PKD1: variants seen among roughly 807,000 people sequenced by gnomAD.
PKD1 encodes polycystin-1.
A neutral mutation model predicts 361.7 loss-of-function variants in PKD1; 81 were observed. The ratio of observed to expected loss-of-function variants is 0.22; its 90% CI spans 0.19 to 0.27. The LOEUF is 0.27. PKD1 is among the 10% of genes least tolerant of loss of function. PKD1 has a pLI of 1.00. For missense variants in PKD1, 6,399 were observed against 6,118.3 expected (o/e 1.05, Z -1.53); for synonymous variants, 3,615 against 2,818.3 (o/e 1.28, Z -8.95).
At position 2,110,364 on chromosome 16, in the gene PKD1, G is replaced by A. The variant is rs772124128; in HGVS notation, c.4803C>T (p.Phe1601=). 7 of 1,612,626 alleles carry A rather than the reference G, an allele frequency of 4.3e-6. No homozygotes were observed. The highest frequency in any genetic ancestry group is 4.5e-5 in the East Asian group (2 of 44,876). The change falls in exon 15 of 46, where the codon TTC becomes TTT. Residue 1601 remains phenylalanine (F), a synonymous_variant. Transcript: ENST00000262304. ...IPGGPTISYT[F]RSVGTFNIIV... ...TGATATTGAAGGTGCCCACGGAGCG[G>A]AAGGTGTAAGAGATGGTAGGACCCC...
At position 2,099,950 on chromosome 16, in the gene PKD1, G is replaced by A. The variant is rs1456030243; in HGVS notation, c.9834C>T (p.Ile3278=). 6.4e-7 allele frequency: 1 copy of A among 1,563,062 alleles called. No homozygotes were observed. The highest frequency in any genetic ancestry group is 8.7e-7 in the Non-Finnish European group (1 of 1,155,114). The change falls in exon 29 of 46, where the codon ATC becomes ATT. Residue 3278 remains isoleucine, a synonymous_variant. Transcript: ENST00000262304. ...DRPPRSRFTR[I]QRATCCVLLI... ...GGAGAACGCAGCAGGTGGCCCTCTGGATGCGAGTGAAACGGCTACGAGGCG... is the reference window on the plus strand; with the variant it reads ...GGAGAACGCAGCAGGTGGCCCTCTGAATGCGAGTGAAACGGCTACGAGGCG...
chr16:2,097,079 A>T, intron 34 of PKD1, 69 bp downstream of exon 34: 1 of 622,248 alleles, frequency 1.6e-6, no homozygotes, highest in Non-Finnish European at 2.6e-6. Context: ...GGCGGGAACC[A>T]CGGCTGCCTG....
chr16:2,103,282 G>A lies in PKD1; in HGVS notation c.8775C>T (p.Asn2925=). 1.2e-6 allele frequency: 2 copies of A among 1,609,716 alleles called. No homozygotes were observed. Among genetic ancestry groups the A allele is most frequent in the African/African-American group, 1.3e-5 (1 of 74,970 alleles). Residue 2925 remains asparagine, a synonymous_variant, in exon 23 of 46, where the codon AAC becomes AAT. Transcript: ENST00000262304. Reference sequence around the variant, plus strand: ...TGCACGCACCGTCCAGCAGCGTATAGTTGAGCTGCAGATGCAGCCCGGCCG... The same window carrying A: ...TGCACGCACCGTCCAGCAGCGTATAATTGAGCTGCAGATGCAGCCCGGCCG... ...NPAAGLHLQL[N]YTLLDGHYLS...
At chr16:2,101,087 G>A (rs985640510) in intron 26 of PKD1, among the ~76,000 whole-genome samples, 42 of 151,878 alleles carry the variant, frequency 2.8e-4, no homozygotes, top group African/African-American at 1.0e-3. Context: ...CCGGGTTCAC[G>A]CCATTCTCCT....
chr16:2,132,574 CAAAAA>C (rs57615937), intron 1 of PKD1, among the ~76,000 whole-genome samples: 1 of 43,252 alleles, frequency 2.3e-5, no homozygotes, highest in Non-Finnish European at 5.0e-5. Context: ...GACTCCGTCT[CAAAAA>C]AAAAAAAAAA....
At chr16:2,112,576 C>G in intron 13 of PKD1, 103 bp from the exon 14 acceptor site, 3 of 1,103,564 alleles carry the variant, frequency 2.7e-6, no homozygotes, top group Non-Finnish European at 3.9e-6. Flanking sequence ...TGCAGTCACG[C>G]CCCGGGCCTC....
Position 2,114,843 on chromosome 16 carries a change from A to C in PKD1, c.2180T>G (p.Leu727Arg), listed in dbSNP as rs1616940. 1 of 1,452,720 alleles carries C rather than the reference A, an allele frequency of 6.9e-7. No individual in the cohort carries two copies. The highest frequency in any genetic ancestry group is 1.2e-5 in the South Asian group (1 of 82,234). 90.0% of individuals were successfully genotyped at this position (1,452,720 alleles called of 1,614,324 possible). A position where few individuals can be genotyped will look rare whatever the true frequency, so the allele number is the denominator to read the frequency against. ...GTGGCCGGGAGCCGGCGAGCAGTGC[A>C]GGAGGGCGCCAGGGCCAGCGTCGTG... ...LQHDAGPGAL[L>R]HCSPAPGHPG... The change falls in exon 11 of 46, where the codon CTG becomes CGG. Residue 727 changes from leucine (L) to arginine (R), a missense_variant. Leu to Arg is a moderately radical substitution (Grantham distance 102). Transcript: ENST00000262304.
rs544963931 is a variant in PKD1 at position 2,132,961 on chromosome 16, A to T, written c.215+2514T>A. Among the ~76,000 whole-genome samples the T allele has an allele frequency of 3.3e-5, 5 of 151,202 alleles. No homozygotes were observed. The South Asian group carries it at 1.0e-3, about 32-fold the overall frequency. ...CCAGGCATGGTGGTGCACGCCTGTA[A>T]TCCCAGCTACTCGGGAGGCTGAGGC... On this transcript the variant is annotated intron_variant, in intron 1 of 45. Transcript: ENST00000262304.
intron 41 of PKD1, 47 bp downstream of exon 41, chr16:2,091,734 C>G (rs773379794): frequency 1.9e-6 from 3 of 1,601,856 alleles, no homozygotes; most frequent in African/African-American, 2.7e-5. Context: ...GGGCTCCTGG[C>G]TGGTGACTGC....
At chr16:2,115,755 C>A in intron 9 of PKD1, 130 bp from the exon 10 acceptor site, 2 of 1,034,624 alleles carry the variant, frequency 1.9e-6, no homozygotes, top group Non-Finnish European at 2.8e-6. Context: ...GCACTCCCAG[C>A]CCAGTGCTGC....
chr16:2,104,330 AG>A lies in PKD1; in HGVS notation c.8161+167del, dbSNP rs1191950970. Among the ~76,000 whole-genome samples, 251 of 63,636 alleles carry A rather than the reference AG, an allele frequency of 3.9e-3. 6 individuals are homozygous for A. The highest frequency in any genetic ancestry group is 0.015 in the African/African-American group (223 of 14,534). The allele number at this position is 63,636 out of a possible 152,430, so 41.7% of individuals were successfully genotyped here. On this transcript the variant is annotated intron_variant, in intron 22 of 45. Transcript: ENST00000262304. ...AAAGGGATGGTAATAGGGAAGGGGG[AG>A]GGGGAGGAGAATGGGAATTGGGGGA...
In PKD1 at chr16:2,099,852, G is replaced by T. The variant is rs560457620; in HGVS notation, c.9923+9C>A. The T allele has an allele frequency of 6.4e-7, 1 of 1,563,798 alleles. No homozygotes were observed. The highest frequency in any genetic ancestry group is 1.2e-5 in the South Asian group (1 of 85,658). ...AGGAAGAGGCTGCCCCGACCCCTAC[G>T]GCACCCACCTGTAGGCAGAGTCGCC... is the stretch of plus-strand genomic sequence containing the variant. On this transcript the variant is annotated intron_variant, in intron 29 of 45. Transcript: ENST00000262304.
At chr16:2,094,345 C>T in intron 34 of PKD1, 135 bp from the exon 35 acceptor site, 1 of 693,758 alleles carries the variant, frequency 1.4e-6, no homozygotes, top group East Asian at 2.7e-5. Context: ...CCGGAAGACC[C>T]TACCCCAAAC....
intron 14 of PKD1, among the ~76,000 whole-genome samples, chr16:2,112,095 G>T (rs1047363717): frequency 3.9e-5 from 6 of 152,238 alleles, no homozygotes; most frequent in African/African-American, 1.2e-4. Flanking sequence ...CTGCACTCGG[G>T]GCAGCAGAGC....
Position 2,109,069 on chromosome 16 carries a change from G to A in PKD1, c.6098C>T (p.Ala2033Val), listed in dbSNP as rs557932393. The A allele has an allele frequency of 1.8e-5, 29 of 1,605,452 alleles. No homozygotes were observed. Among genetic ancestry groups the A allele is most frequent in the Middle Eastern group, 3.6e-4 (2 of 5,580 alleles). ...GRDVTYTPVAAGLLEIQVRAF... is the reference protein window; with the variant it reads ...GRDVTYTPVAVGLLEIQVRAF... ...GCGCACCTGGATCTCCAACAGCCCC[G>A]CGGCCACGGGCGTGTAGGTGACGTC... The change falls in exon 15 of 46, where the codon GCG (alanine) becomes GTG (valine). Residue 2033 changes from alanine to valine, a missense_variant. Ala to Val is a moderately conservative substitution (Grantham distance 64). Coordinates refer to ENST00000262304, the MANE Select transcript of PKD1 (RefSeq NM_001009944.3).
At position 2,109,566 on chromosome 16, in the gene PKD1, A is replaced by G; in HGVS notation, c.5601T>C (p.Asn1867=). The G allele has an allele frequency of 6.2e-7, 1 of 1,611,740 alleles. No homozygotes were observed. The highest frequency in any genetic ancestry group is 8.5e-7 in the Non-Finnish European group (1 of 1,179,576). ...PDAGTFSIRL[N]ASNAVSWVSA... ...AGACCCAGCTGACTGCGTTGGAGGCATTGAGCCGGATGGAGAAGGTGCCAG... is the reference window on the plus strand; with the variant it reads ...AGACCCAGCTGACTGCGTTGGAGGCGTTGAGCCGGATGGAGAAGGTGCCAG... Residue 1867 remains asparagine (N), a synonymous_variant, in exon 15 of 46, where the codon AAT becomes AAC. Transcript: ENST00000262304.
Position 2,109,213 on chromosome 16 carries a change from G to A in PKD1, c.5954C>T (p.Ala1985Val). Reference sequence around the variant, plus strand: ...TGTGAAGTTCCTCTCAGTGCCCGTGGCGATGCCAGGCTCGCAGCAGTTGGG... The same window carrying A: ...TGTGAAGTTCCTCTCAGTGCCCGTGACGATGCCAGGCTCGCAGCAGTTGGG... ...QVPNCCEPGI[A>V]TGTERNFTAR... The change falls in exon 15 of 46, where the codon GCC (alanine) becomes GTC (valine). Residue 1985 changes from alanine (A) to valine (V), a missense_variant. Coordinates refer to ENST00000262304, the MANE Select transcript of PKD1 (RefSeq NM_001009944.3). 6.3e-7 allele frequency: 1 copy of A among 1,594,242 alleles called. No homozygotes were observed. Among genetic ancestry groups the A allele is most frequent in the Non-Finnish European group, 8.6e-7 (1 of 1,169,290 alleles).
At chr16:2,131,681 G>A (rs2092882090) in intron 1 of PKD1, among the ~76,000 whole-genome samples, 1 of 151,290 alleles carries the variant, frequency 6.6e-6, no homozygotes, top group Non-Finnish European at 1.5e-5. Flanking sequence ...AAATTAGCCG[G>A]GCGTGGTGGC....
At chr16:2,121,819 C>T (rs757337529) in intron 1 of PKD1, among the ~76,000 whole-genome samples, 60 of 152,334 alleles carry the variant, frequency 3.9e-4, no homozygotes, top group Middle Eastern at 3.4e-3. Context: ...CCTCCTGCCA[C>T]GGGCCTCTAC....
Sources: gnomAD v4.1 joint callset for allele counts (sites outside exome capture counted in the v4.1 genomes callset) on GRCh38, gnomAD v4.1.1 for gene constraint, MANE v1.5 for transcripts, NCBI Gene and HGNC (gene_info 2026-07-23, HGNC 2026-07-21) for gene names.